Variants in NELL1 observed in about 807,000 individuals in gnomAD.
The protein encoded by NELL1 is protein kinase C-binding protein NELL1.
In NELL1, 76 loss-of-function variants were observed where a neutral mutation model predicts 107.4. That is an observed-to-expected ratio of 0.71 (90% CI 0.59 to 0.86). NELL1 has a LOEUF of 0.86. NELL1 is among the 40% of genes least tolerant of loss of function. The pLI is 0.00. For synonymous variants in NELL1, 353 were observed against 341.2 expected (o/e 1.03, Z -0.38); for missense variants, 1,024 against 1,005.5 (o/e 1.02, Z -0.25).
intron 15 of NELL1, among the ~76,000 whole-genome samples, chr11:21,441,408 G>A (rs1358064508): frequency 6.7e-6 from 1 of 149,440 alleles, no homozygotes; most frequent in African/African-American, 2.5e-5. Context: ...GTTCCGAACT[G>A]TCTTTTGATG....
chr11:21,146,239 C>T (rs1379962860), intron 13 of NELL1, among the ~76,000 whole-genome samples: 2 of 150,888 alleles, frequency 1.3e-5, no homozygotes, highest in African/African-American at 4.9e-5. Context: ...AGAAAAAAAA[C>T]ATTTTATTCC....
intron 12 of NELL1, among the ~76,000 whole-genome samples, chr11:21,043,493 G>A (rs185678242): frequency 1.3e-5 from 2 of 152,012 alleles, no homozygotes; most frequent in East Asian, 3.9e-4. Context: ...TCCATGTAAG[G>A]GTTCACGTTA....
At chr11:21,165,758 C>CTTTTTT (rs34509347) in intron 13 of NELL1, among the ~76,000 whole-genome samples, 4 of 98,504 alleles carry the variant, frequency 4.1e-5, no homozygotes, top group Non-Finnish European at 5.8e-5. Flanking sequence ...ACAATGAGAT[C>CTTTTTT]TTTTTTTTTT....
intron 5 of NELL1, among the ~76,000 whole-genome samples, chr11:20,916,968 C>T (rs1378304262): frequency 6.6e-6 from 1 of 151,886 alleles, no homozygotes; most frequent in African/African-American, 2.4e-5. Flanking sequence ...GAACTTGAAA[C>T]CAGGTTCCCT....
At chr11:21,255,781 A>T (rs1156228606) in intron 14 of NELL1, among the ~76,000 whole-genome samples, 2 of 152,010 alleles carry the variant, frequency 1.3e-5, no homozygotes, top group Admixed American at 1.3e-4. Context: ...GCTTGTGCCT[A>T]CCTATCCAGA....
chr11:21,173,405 CT>C (rs1565095761), intron 13 of NELL1, among the ~76,000 whole-genome samples: 1 of 151,804 alleles, frequency 6.6e-6, no homozygotes, highest in Non-Finnish European at 1.5e-5. Context: ...CTTTCACATT[CT>C]TTTTTTCTAA....
chr11:21,406,451 A>C (rs1852238569), intron 15 of NELL1, among the ~76,000 whole-genome samples: 1 of 152,016 alleles, frequency 6.6e-6, no homozygotes. Context: ...ATTGTCTCCC[A>C]GTTATGATAC....
intron 2 of NELL1, among the ~76,000 whole-genome samples, chr11:20,685,009 G>C (rs993675280): frequency 7.2e-5 from 11 of 152,134 alleles, no homozygotes; most frequent in Admixed American, 7.2e-4. Context: ...GTACTCAGCT[G>C]AATACTGATT....
intron 15 of NELL1, among the ~76,000 whole-genome samples, chr11:21,498,628 T>C (rs1232160364): frequency 1.3e-5 from 2 of 151,934 alleles, no homozygotes; most frequent in African/African-American, 4.8e-5. Context: ...CTTACAGAAG[T>C]TTCTTTGTAC....
intron 5 of NELL1, among the ~76,000 whole-genome samples, chr11:20,892,637 C>T (rs565664714): frequency 1.2e-4 from 18 of 152,274 alleles, no homozygotes; most frequent in South Asian, 6.2e-4. Flanking sequence ...TGCGGCCGGG[C>T]GCAGTGGCTC....
In NELL1 at chr11:21,176,024, C is replaced by T. The variant is rs1310628088; in HGVS notation, c.1427-53308C>T. 2.0e-5 allele frequency among the ~76,000 whole-genome samples: 3 copies of T among 151,748 alleles called. 1 individual carries two copies. The highest frequency in any genetic ancestry group is 4.9e-5 in the African/African-American group (2 of 41,080). On this transcript the variant is annotated intron_variant, in intron 13 of 19. Transcript: ENST00000357134. ...CTTTTCTGCTAAAAGTCCTTCTTTTCCCCTATTAGAATACCCTACTATTTC... is the reference window on the plus strand; with the variant it reads ...CTTTTCTGCTAAAAGTCCTTCTTTTTCCCTATTAGAATACCCTACTATTTC...
chr11:20,719,606 A>G (rs1291422668), intron 2 of NELL1, among the ~76,000 whole-genome samples: 1 of 152,200 alleles, frequency 6.6e-6, no homozygotes, highest in Non-Finnish European at 1.5e-5. Context: ...ATTGTTTTCC[A>G]TGGCTTATGG....
intron 3 of NELL1, among the ~76,000 whole-genome samples, chr11:20,838,039 C>G (rs907286414): frequency 2.0e-5 from 3 of 151,746 alleles, no homozygotes; most frequent in Non-Finnish European, 4.4e-5. Context: ...AGAAAACTGA[C>G]CAACACTTAG....
chr11:21,078,474 A>C (rs1188057099), intron 12 of NELL1, among the ~76,000 whole-genome samples: 2 of 152,168 alleles, frequency 1.3e-5, no homozygotes, highest in East Asian at 1.9e-4. Context: ...GAACACATTA[A>C]AAAGAAAATA....
intron 5 of NELL1, among the ~76,000 whole-genome samples, chr11:20,914,932 C>T (rs1397437332): frequency 6.6e-6 from 1 of 151,958 alleles, no homozygotes; most frequent in African/African-American, 2.4e-5. Flanking sequence ...CTGATATATA[C>T]CCTAAATTAA....
At chr11:20,973,739 A>G (rs532216144) in intron 12 of NELL1, among the ~76,000 whole-genome samples, 13 of 152,324 alleles carry the variant, frequency 8.5e-5, no homozygotes, top group African/African-American at 3.1e-4. Flanking sequence ...TAGGATTGAA[A>G]GGATTTACAG....
At chr11:21,367,958 G>GA (rs2133748922) in intron 14 of NELL1, among the ~76,000 whole-genome samples, 1 of 152,134 alleles carries the variant, frequency 6.6e-6, no homozygotes, top group South Asian at 2.1e-4. Context: ...CCTTTTCATT[G>GA]AAATGCTGAG....
chr11:20,857,617 C>T (rs550612821), intron 4 of NELL1, among the ~76,000 whole-genome samples: 5 of 152,286 alleles, frequency 3.3e-5, no homozygotes, highest in African/African-American at 9.6e-5. Flanking sequence ...GCATCTTCAC[C>T]GGCAGAGTTG....
At chr11:20,885,598 T>C (rs1228661320) in intron 5 of NELL1, 58 bp downstream of exon 5, 1 of 1,049,258 alleles carries the variant, frequency 9.5e-7, no homozygotes, top group Non-Finnish European at 1.5e-6. Context: ...CAGTTTTCTG[T>C]GTTATTTATT....
Sources: gnomAD v4.1 joint callset for allele counts (sites outside exome capture counted in the v4.1 genomes callset) on GRCh38, gnomAD v4.1.1 for gene constraint, MANE v1.5 for transcripts, NCBI Gene and HGNC (gene_info 2026-07-23, HGNC 2026-07-21) for gene names.